GFPT1: variants seen among roughly 807,000 people sequenced by gnomAD.
GFPT1 encodes glutamine--fructose-6-phosphate transaminase 1.
GFPT1 carries 40 observed loss-of-function variants against 92.0 expected under a neutral mutation model. The observed-to-expected ratio is 0.43, with a 90% CI of 0.34 to 0.57. The LOEUF is 0.57. Ranked by LOEUF, GFPT1 falls within the 20% of genes least tolerant of loss-of-function variation. The pLI, the probability that GFPT1 is intolerant of heterozygous loss-of-function variation, is 0.02. For synonymous variants in GFPT1, 269 were observed against 280.6 expected (o/e 0.96, Z 0.41); for missense variants, 448 against 869.1 (o/e 0.52, Z 6.09).
At chr2:69,369,950 G>T in intron 3 of GFPT1, 51 bp downstream of exon 3, 1 of 1,022,614 alleles carries the variant, frequency 9.8e-7, no homozygotes, top group Non-Finnish European at 1.6e-6. Context: ...AATGGGGAGG[G>T]GAAAAGGAAG....
rs1324784114 is a variant in GFPT1 at position 69,358,473 on chromosome 2, G to T, written c.409-10C>A. 2.5e-6 allele frequency: 4 copies of T among 1,572,224 alleles called. No individual in the cohort carries two copies. On this transcript the variant is annotated splice_polypyrimidine_tract_variant and intron_variant, in intron 5 of 19. Transcript: ENST00000357308. ...CATAGCCTTTGCTTTCCTGTAAGTA[G>T]AAAGAAAAAAAAGATACAATTAAAG... is the stretch of plus-strand genomic sequence containing the variant.
At chr2:69,334,647 T>G (rs1371637157) in intron 15 of GFPT1, 1 of 152,242 alleles carries the variant, frequency 6.6e-6, no homozygotes, top group Admixed American at 6.5e-5. Flanking sequence ...TTAGCGTTAC[T>G]AAAGTTGGTA....
At chr2:69,342,559 CA>C (rs1321062208) in intron 12 of GFPT1, among the ~76,000 whole-genome samples, 2 of 152,042 alleles carry the variant, frequency 1.3e-5, no homozygotes, top group Admixed American at 1.3e-4. Flanking sequence ...ATCTTAAAGG[CA>C]AAAGTAGAGG....
At chr2:69,352,150 C>T (rs562457828) in intron 9 of GFPT1, among the ~76,000 whole-genome samples, 4 of 152,148 alleles carry the variant, frequency 2.6e-5, no homozygotes, top group Non-Finnish European at 4.4e-5. Context: ...GTAGTCTCAG[C>T]TATTCCGGAG....
rs1359660327 is a variant in GFPT1, at chr2:69,321,914, A to G, written c.*4275T>C. On this transcript the variant is annotated 3_prime_UTR_variant, in exon 20 of 20. Coordinates refer to ENST00000357308, the MANE Select transcript of GFPT1 (RefSeq NM_001244710.2). The stretch of plus-strand genomic sequence containing the variant: ...AAAGTTAATATAGCATAATTTTACA[A>G]TCGTACTTTCACTATGATTTTTATT... 1 of 152,178 alleles carries G rather than the reference A, an allele frequency of 6.6e-6. No homozygotes were observed. The highest frequency in any genetic ancestry group is 1.5e-5 in the Non-Finnish European group (1 of 68,000). The allele number at this position is 152,178 out of a possible 1,614,324, so 9.4% of individuals were successfully genotyped here.
chr2:69,361,556 G>C (rs1384803225), intron 4 of GFPT1, among the ~76,000 whole-genome samples: 1 of 151,852 alleles, frequency 6.6e-6, no homozygotes, highest in Non-Finnish European at 1.5e-5. Context: ...CTAGATGTAA[G>C]TTTTCGGGAA....
chr2:69,323,725 G>C lies in GFPT1; in HGVS notation c.*2464C>G, dbSNP rs541938366. ...AGAGTCTTGCTCTGTCGCCAGGCTG[G>C]AGTGTAGTGGCGTGATCTCGCCTCA... On this transcript the variant is annotated 3_prime_UTR_variant, in exon 20 of 20. Coordinates refer to ENST00000357308, the MANE Select transcript of GFPT1 (RefSeq NM_001244710.2). The C allele has an allele frequency of 6.6e-6, 1 of 150,900 alleles. No individual in the cohort carries two copies. The highest frequency in any genetic ancestry group is 2.4e-5 in the African/African-American group (1 of 40,910). 9.3% of individuals were successfully genotyped at this position (150,900 alleles called of 1,614,324 possible). A position where few individuals can be genotyped will look rare whatever the true frequency, so the allele number is the denominator to read the frequency against.
intron 9 of GFPT1, among the ~76,000 whole-genome samples, chr2:69,352,262 C>CA (rs1671225266): frequency 6.6e-6 from 1 of 151,196 alleles, no homozygotes; most frequent in Admixed American, 6.6e-5. Flanking sequence ...GACTTTGTCT[C>CA]AAAAACAAAA....
rs996842060 is a variant in GFPT1 at position 69,376,285 on chromosome 2, C to A, written c.8-2172G>T. 1.2e-3 allele frequency among the ~76,000 whole-genome samples: 189 copies of A among 152,182 alleles called. 1 individual carries two copies. The highest frequency in any genetic ancestry group is 3.5e-4 in the Non-Finnish European group (24 of 68,024). On this transcript the variant is annotated intron_variant, in intron 1 of 19. Transcript: ENST00000357308. ...CAACTTTGGGAAGCTAAGGCAGGCG[C>A]ATCACCTGAAGCCAGGAAATCAAGA...
At chr2:69,370,440 C>T (rs933891193) in intron 2 of GFPT1, among the ~76,000 whole-genome samples, 1 of 152,130 alleles carries the variant, frequency 6.6e-6, no homozygotes, top group Non-Finnish European at 1.5e-5. Context: ...GATGGGCACC[C>T]ACCTCAGAAG....
At chr2:69,337,845 C>T (rs1198952058) in intron 15 of GFPT1, 53 bp downstream of exon 15, 1 of 1,430,294 alleles carries the variant, frequency 7.0e-7, no homozygotes, top group Non-Finnish European at 9.9e-7. Context: ...GACTAGTCTG[C>T]TTCACTGACA....
At chr2:69,337,112 T>C (rs1670819799) in intron 15 of GFPT1, among the ~76,000 whole-genome samples, 1 of 148,578 alleles carries the variant, frequency 6.7e-6, no homozygotes, top group Non-Finnish European at 1.5e-5. Context: ...TCACCCAGAC[T>C]GGAGTGCAGT....
rs537066687 is a variant in GFPT1 at position 69,363,567 on chromosome 2, G to A, written c.327C>T (p.Pro109=). 1.3e-5 allele frequency: 21 copies of A among 1,614,056 alleles called. No homozygotes were observed. The East Asian group carries it at 3.8e-4, about 29-fold the overall frequency. The change falls in exon 4 of 20, where the codon CCC becomes CCT. Residue 109 remains proline, a synonymous_variant. Coordinates refer to ENST00000357308, the MANE Select transcript of GFPT1 (RefSeq NM_001244710.2). The part of the protein sequence containing the change: ...HGEPSPVNSH[P]QRSDKNNEFI... ...TACCATTATTTTTATCAGAGCGCTG[G>A]GGGTGGCTATTGACAGGACTGGGTT...
Position 69,375,192 on chromosome 2 carries a change from T to C in GFPT1, c.8-1079A>G, listed in dbSNP as rs1671842227. ...CCAGAGTGGACACAGCTTTAATGTA[T>C]CAAAACTGAAGACTAAATTATATAA... is the stretch of plus-strand genomic sequence containing the variant. On this transcript the variant is annotated intron_variant, in intron 1 of 19. Coordinates refer to ENST00000357308, the MANE Select transcript of GFPT1 (RefSeq NM_001244710.2). Among the ~76,000 whole-genome samples, 3 of 152,198 alleles carry C rather than the reference T, an allele frequency of 2.0e-5. No homozygotes were observed. In the South Asian group the frequency reaches 6.2e-4, roughly 32 times the overall value.
rs1038882218 is a variant in GFPT1 at position 69,320,709 on chromosome 2, AC to A, written c.*5479del. On this transcript the variant is annotated 3_prime_UTR_variant, in exon 20 of 20. Transcript: ENST00000357308. ...AGGCTGAGGCAAAAGACTCGTGTGA[AC>A]ACGGGAGGTGGAAGTTGCAGTCAGC... The A allele has an allele frequency of 4.6e-5, 7 of 152,346 alleles. No individual in the cohort carries two copies. Among genetic ancestry groups the A allele is most frequent in the African/African-American group, 1.2e-4 (5 of 41,566 alleles). The allele number at this position is 152,346 out of a possible 1,614,324, so 9.4% of individuals were successfully genotyped here. A position where few individuals can be genotyped will look rare whatever the true frequency, so the allele number is the denominator to read the frequency against.
chr2:69,378,944 C>A lies in GFPT1; in HGVS notation c.8-4831G>T, dbSNP rs78589164. Among the ~76,000 whole-genome samples the A allele has an allele frequency of 6.3e-3, 951 of 152,136 alleles. 16 individuals carry two copies. The highest frequency in any genetic ancestry group is 0.022 in the African/African-American group (904 of 41,498). On this transcript the variant is annotated intron_variant, in intron 1 of 19. Coordinates refer to ENST00000357308, the MANE Select transcript of GFPT1 (RefSeq NM_001244710.2). ...ATGCTAGTCACAAATTAATTCATCA[C>A]CATCATTAAAAATTCAAAGTAGGCC...
intron 9 of GFPT1, among the ~76,000 whole-genome samples, chr2:69,352,629 A>AC (rs1279296605): frequency 6.6e-6 from 1 of 151,474 alleles, no homozygotes. Context: ...AAAAAAAAAA[A>AC]AAAAAAAACA....
chr2:69,366,244 C>T (rs1671607572), intron 3 of GFPT1, among the ~76,000 whole-genome samples: 2 of 152,208 alleles, frequency 1.3e-5, no homozygotes, highest in Non-Finnish European at 2.9e-5. Flanking sequence ...ATTACCACAC[C>T]TTTATTTCAC....
In GFPT1 at chr2:69,370,038, C is replaced by T. The variant is rs1671706334; in HGVS notation, c.186G>A (p.Lys62=). ...ANACKIQLIK[K]KGKVKALDEE... is the part of the protein sequence containing the mutation. ...CATCCAGTGCCTTAACTTTTCCTTT[C>T]TTCTTAATAAGCTGGATTTTGCAGG... Residue 62 remains lysine (K), a synonymous_variant, in exon 3 of 20, where the codon AAG becomes AAA. Coordinates refer to ENST00000357308, the MANE Select transcript of GFPT1 (RefSeq NM_001244710.2). The T allele has an allele frequency of 6.2e-7, 1 of 1,608,170 alleles. No individual in the cohort carries two copies. The highest frequency in any genetic ancestry group is 2.2e-5 in the East Asian group (1 of 44,844).
Sources: gnomAD v4.1 joint callset for allele counts (sites outside exome capture counted in the v4.1 genomes callset) on GRCh38, gnomAD v4.1.1 for gene constraint, MANE v1.5 for transcripts, NCBI Gene and HGNC (gene_info 2026-07-23, HGNC 2026-07-21) for gene names.